Variants in CCN4 observed in about 807,000 individuals in gnomAD.
CCN4 encodes the protein CCN family member 4.
CCN4 carries 30 observed loss-of-function variants against 36.7 expected under a neutral mutation model. The observed-to-expected ratio is 0.82, with a 90% confidence interval of 0.61 to 1.11. The LOEUF (loss-of-function observed/expected upper bound fraction) is 1.11, where lower values mean the gene tolerates loss of function less well. Among genes scored for constraint, CCN4 ranks in the 50% least tolerant of loss-of-function variants. The probability of loss-of-function intolerance (pLI) is 0.00; values close to 1 mark genes in which losing one functional copy is unlikely to be tolerated. For synonymous variants in CCN4, 191 were observed against 195.4 expected, an observed-to-expected ratio of 0.98 and a Z score of 0.19; for missense variants, 505 against 504.9, an observed-to-expected ratio of 1.00 and a Z score of 0.00.
intron 3 of CCN4, among the ~76,000 whole-genome samples, chr8:133,223,688 C>G (rs1176036033): frequency 6.6e-6 from 1 of 152,044 alleles, no homozygotes; most frequent in East Asian, 1.9e-4. Flanking sequence ...TTCTTTCTCT[C>G]TCTTTTCTCT....
intron 1 of CCN4, among the ~76,000 whole-genome samples, chr8:133,204,418 A>C (rs1440389295): frequency 6.6e-6 from 1 of 152,192 alleles, no homozygotes; most frequent in East Asian, 1.9e-4. Context: ...AGATGGTCTA[A>C]AATCTCCACA....
intron 4 of CCN4, among the ~76,000 whole-genome samples, chr8:133,226,785 C>A (rs1266177137): frequency 1.3e-5 from 2 of 152,178 alleles, no homozygotes; most frequent in Non-Finnish European, 2.9e-5. Flanking sequence ...ACTATTTACA[C>A]AGTAGACCCT....
At chr8:133,225,630 A>G in intron 4 of CCN4, 47 bp downstream of exon 4, 1 of 1,476,866 alleles carries the variant, frequency 6.8e-7, no homozygotes, top group South Asian at 1.5e-5. Context: ...AAGCAGACAA[A>G]TATGGGTTTG....
intron 2 of CCN4, among the ~76,000 whole-genome samples, chr8:133,215,455 C>T (rs527945286): frequency 6.6e-6 from 1 of 151,664 alleles, no homozygotes; most frequent in Admixed American, 6.6e-5. Flanking sequence ...AAAGATACTT[C>T]TTTTCACTAC....
At position 133,198,844 on chromosome 8, in the gene CCN4, C is replaced by T. The variant is rs182153933; in HGVS notation, c.69+7631C>T. ...CTTTGTCGCTTCCTGACCACCTGTG[C>T]CCTCAGGCCCCAGGGCCTTTGCACA... On this transcript the variant is annotated intron_variant, in intron 1 of 4. Coordinates refer to ENST00000250160, the MANE Select transcript of CCN4 (RefSeq NM_003882.4). 3.0e-3 allele frequency among the ~76,000 whole-genome samples: 452 copies of T among 152,342 alleles called. 2 individuals are homozygous for T. Among genetic ancestry groups the T allele is most frequent in the Admixed American group, 6.1e-3 (94 of 15,300 alleles).
intron 1 of CCN4, among the ~76,000 whole-genome samples, chr8:133,195,194 G>A (rs944013172): frequency 6.7e-6 from 1 of 149,120 alleles, no homozygotes; most frequent in African/African-American, 2.5e-5. Context: ...TGTGGTGTGT[G>A]TGTGGTGTGT....
intron 4 of CCN4, among the ~76,000 whole-genome samples, chr8:133,225,914 C>A (rs767761793): frequency 4.6e-5 from 7 of 152,088 alleles, no homozygotes; most frequent in Non-Finnish European, 8.8e-5. Context: ...TGCCAGCCCA[C>A]CCCCACACAG....
intron 1 of CCN4, among the ~76,000 whole-genome samples, chr8:133,199,344 C>G (rs1853502703): frequency 6.6e-6 from 1 of 152,178 alleles, no homozygotes. Flanking sequence ...AGGCGGGCAG[C>G]ACACAGCCTG....
chr8:133,196,532 G>T (rs1853390852), intron 1 of CCN4, among the ~76,000 whole-genome samples: 1 of 152,004 alleles, frequency 6.6e-6, no homozygotes, highest in Non-Finnish European at 1.5e-5. Context: ...TATTTTACTA[G>T]ATGGTGTCGG....
chr8:133,212,054 T>G (rs1214741072), intron 1 of CCN4, among the ~76,000 whole-genome samples: 4 of 152,160 alleles, frequency 2.6e-5, no homozygotes, highest in African/African-American at 4.8e-5. Flanking sequence ...TGGCCTCTTG[T>G]GTCCATCATA....
At chr8:133,194,009 AACTGTCTCACCAC>A (rs764526092) in intron 1 of CCN4, among the ~76,000 whole-genome samples, 1 of 152,198 alleles carries the variant, frequency 6.6e-6, no homozygotes, top group Admixed American at 6.5e-5. Context: ...AATTGGGACT[AACTGTCTCACCAC>A]ACCAAGCTCC....
rs963631320 is a variant in CCN4, at chr8:133,231,379, C to T, written c.*3669C>T. 6.6e-6 allele frequency: 1 copy of T among 152,088 alleles called. No homozygotes were observed. The highest frequency in any genetic ancestry group is 1.5e-5 in the Non-Finnish European group (1 of 68,016). The allele number at this position is 152,088 out of a possible 1,614,324, so 9.4% of individuals were successfully genotyped here. A position where few individuals can be genotyped will look rare whatever the true frequency, so the allele number is the denominator to read the frequency against. On this transcript the variant is annotated 3_prime_UTR_variant, in exon 5 of 5. Transcript: ENST00000250160. ...ATTTAATATTTAAATATTCCTACTG[C>T]CATTTTTGTGACTGAAAAACTACAC...
intron 1 of CCN4, among the ~76,000 whole-genome samples, chr8:133,191,824 G>A (rs1271895184): frequency 6.6e-6 from 1 of 152,202 alleles, no homozygotes; most frequent in African/African-American, 2.4e-5. Context: ...TCTGCAGAGT[G>A]TCCATACTTG....
chr8:133,197,293 G>T (rs1853425079), intron 1 of CCN4, among the ~76,000 whole-genome samples: 1 of 152,074 alleles, frequency 6.6e-6, no homozygotes, highest in African/African-American at 2.4e-5. Flanking sequence ...TTAAACTGGA[G>T]GATGGTTCCA....
At chr8:133,207,443 A>G (rs1023969014) in intron 1 of CCN4, among the ~76,000 whole-genome samples, 1 of 152,238 alleles carries the variant, frequency 6.6e-6, no homozygotes, top group Non-Finnish European at 1.5e-5. Context: ...GTTTTGCTCA[A>G]GATCTGATGG....
chr8:133,196,197 C>G lies in CCN4; in HGVS notation c.69+4984C>G, dbSNP rs114520956. ...GGGCACAGTGCCCTTTTGCACACAC[C>G]TATGAGGCAGCGGTGTTGCTGTAAT... On this transcript the variant is annotated intron_variant, in intron 1 of 4. Transcript: ENST00000250160. Among the ~76,000 whole-genome samples, 899 of 152,290 alleles carry G rather than the reference C, an allele frequency of 5.9e-3. 9 individuals are homozygous for G. The highest frequency in any genetic ancestry group is 0.021 in the African/African-American group (854 of 41,562).
At position 133,195,626 on chromosome 8, in the gene CCN4, C is replaced by T. The variant is rs139052459; in HGVS notation, c.69+4413C>T. Among the ~76,000 whole-genome samples, 45 of 152,152 alleles carry T rather than the reference C, an allele frequency of 3.0e-4. No homozygotes were observed. In the East Asian group the frequency reaches 8.0e-3, roughly 27 times the overall value. On this transcript the variant is annotated intron_variant, in intron 1 of 4. Coordinates refer to ENST00000250160, the MANE Select transcript of CCN4 (RefSeq NM_003882.4). ...CTTATCTTGGAGGCTGGCACGAGGACGGCACTGAAAGGCATTTCCCCCTCG... is the reference window on the plus strand; with the variant it reads ...CTTATCTTGGAGGCTGGCACGAGGATGGCACTGAAAGGCATTTCCCCCTCG...
intron 1 of CCN4, among the ~76,000 whole-genome samples, chr8:133,197,658 G>A (rs1014350651): frequency 3.9e-5 from 6 of 152,140 alleles, no homozygotes; most frequent in Non-Finnish European, 5.9e-5. Context: ...CAGGGGATGC[G>A]ATAAAATCTG....
chr8:133,194,442 G>GGA (rs1853247119), intron 1 of CCN4, among the ~76,000 whole-genome samples: 1 of 68,450 alleles, frequency 1.5e-5, no homozygotes, highest in Non-Finnish European at 2.5e-5. Flanking sequence ...ATGTGTGTGT[G>GGA]GTGTGTGTGT....
Sources: allele counts gnomAD v4.1 joint callset (sites outside exome capture counted in the v4.1 genomes callset), GRCh38; gene constraint gnomAD v4.1.1; transcripts MANE v1.5; gene names NCBI Gene and HGNC (gene_info 2026-07-23, HGNC 2026-07-21).